MAGI1: variants seen among roughly 807,000 people sequenced by gnomAD.
MAGI1 encodes membrane-associated guanylate kinase, WW and PDZ domain-containing protein 1.
MAGI1 carries 58 observed loss-of-function variants against 139.9 expected under a neutral mutation model. That is an observed-to-expected ratio of 0.41 (90% CI 0.34 to 0.52). The LOEUF (loss-of-function observed/expected upper bound fraction) is 0.52, where lower values mean the gene tolerates loss of function less well. MAGI1 is among the 20% of genes least tolerant of loss of function. MAGI1 has a pLI of 0.12. For missense variants in MAGI1, 1,874 were observed against 1,901.6 expected (o/e 0.99, Z 0.27); for synonymous variants, 812 against 737.9 (o/e 1.10, Z -1.63).
chr3:65,811,955 TGTGTGA>T (rs1355164360), intron 1 of MAGI1, among the ~76,000 whole-genome samples: 2 of 149,078 alleles, frequency 1.3e-5, no homozygotes, highest in African/African-American at 2.5e-5. Context: ...TGTGTGTGTG[TGTGTGA>T]GAGAGAGAGC....
chr3:65,584,490 CT>C (rs1460770031), intron 2 of MAGI1, among the ~76,000 whole-genome samples: 1 of 152,152 alleles, frequency 6.6e-6, no homozygotes, highest in African/African-American at 2.4e-5. Flanking sequence ...CATTGATTTA[CT>C]TAGCAATTAC....
chr3:65,418,231 G>C lies in MAGI1; in HGVS notation c.2167+11289C>G, dbSNP rs530444107. Among the ~76,000 whole-genome samples the C allele has an allele frequency of 3.5e-4, 53 of 152,218 alleles. 1 individual carries two copies. Among genetic ancestry groups the C allele is most frequent in the South Asian group, 2.5e-3 (12 of 4,816 alleles). On this transcript the variant is annotated intron_variant, in intron 12 of 22. Coordinates refer to ENST00000402939, the MANE Select transcript of MAGI1 (RefSeq NM_001033057.2). ...TCCAAATATGTATGGCACAGACTCA[G>C]ACTACATATTACTGACGGTAAAGCT... is the stretch of plus-strand genomic sequence containing the variant.
chr3:65,580,287 A>G (rs1193419672), intron 2 of MAGI1, among the ~76,000 whole-genome samples: 4 of 150,814 alleles, frequency 2.7e-5, no homozygotes, highest in Non-Finnish European at 5.9e-5. Context: ...ATAATTTTGT[A>G]TCCCATTTGG....
intron 1 of MAGI1, among the ~76,000 whole-genome samples, chr3:65,812,296 G>A (rs1362461183): frequency 2.0e-5 from 3 of 152,082 alleles, no homozygotes; most frequent in Non-Finnish European, 4.4e-5. Flanking sequence ...AATGTTAATT[G>A]TTGCTGTTAT....
intron 11 of MAGI1, among the ~76,000 whole-genome samples, 162 bp from the exon 12 acceptor site, chr3:65,430,302 G>C (rs1279613780): frequency 6.6e-6 from 1 of 152,098 alleles, no homozygotes; most frequent in Non-Finnish European, 1.5e-5. Flanking sequence ...AGCTAATAAA[G>C]TGTTCTTTCA....
intron 1 of MAGI1, among the ~76,000 whole-genome samples, chr3:65,841,451 T>A (rs2058803204): frequency 9.3e-6 from 1 of 107,332 alleles, no homozygotes; most frequent in East Asian, 5.2e-4. Flanking sequence ...GTTTTTGTTT[T>A]TGTTTTTTTT....
chr3:65,523,807 G>A (rs1364080564), intron 2 of MAGI1, among the ~76,000 whole-genome samples: 1 of 152,140 alleles, frequency 6.6e-6, no homozygotes, highest in Non-Finnish European at 1.5e-5. Flanking sequence ...AGCCTTAGGG[G>A]TAAAAATATC....
intron 1 of MAGI1, among the ~76,000 whole-genome samples, chr3:65,678,089 G>C (rs890774920): frequency 1.3e-5 from 2 of 152,122 alleles, no homozygotes; most frequent in Non-Finnish European, 2.9e-5. Context: ...ACCAAACACC[G>C]CATGTTCTCG....
At chr3:65,758,185 G>C (rs1036196257) in intron 1 of MAGI1, among the ~76,000 whole-genome samples, 12 of 152,156 alleles carry the variant, frequency 7.9e-5, no homozygotes, top group African/African-American at 2.9e-4. Flanking sequence ...GTGCAGAAAA[G>C]ACCCCCTAGA....
chr3:65,518,678 T>C (rs1290168042), intron 2 of MAGI1, among the ~76,000 whole-genome samples: 3 of 152,060 alleles, frequency 2.0e-5, no homozygotes, highest in Admixed American at 2.0e-4. Context: ...CATGAAAAAT[T>C]AAAACCTGTG....
At chr3:65,836,725 A>T (rs959393787) in intron 1 of MAGI1, among the ~76,000 whole-genome samples, 2 of 152,186 alleles carry the variant, frequency 1.3e-5, no homozygotes, top group African/African-American at 2.4e-5. Flanking sequence ...TGGCTGAGGC[A>T]GAGAACTGCT....
intron 1 of MAGI1, among the ~76,000 whole-genome samples, chr3:65,786,252 T>C (rs925611596): frequency 0.014 from 22 of 1,552 alleles, no homozygotes; most frequent in African/African-American, 0.023. Flanking sequence ...CAATCATAAC[T>C]TTTTTTTTTT....
chr3:65,421,588 T>C (rs1265165383), intron 12 of MAGI1, among the ~76,000 whole-genome samples: 1 of 152,228 alleles, frequency 6.6e-6, no homozygotes, highest in African/African-American at 2.4e-5. Context: ...ATATTTGATA[T>C]ATAAAAATTT....
intron 1 of MAGI1, among the ~76,000 whole-genome samples, chr3:65,855,755 G>A (rs773299879): frequency 5.3e-5 from 8 of 151,304 alleles, no homozygotes; most frequent in South Asian, 2.1e-4. Flanking sequence ...AACCAACACC[G>A]GATAGCCCAT....
chr3:65,387,353 G>T (rs2106948295), intron 14 of MAGI1: 1 of 590,330 alleles, frequency 1.7e-6, no homozygotes, highest in Non-Finnish European at 2.9e-6. Context: ...TGGCTGTTAT[G>T]TTAAAAGACT....
intron 1 of MAGI1, among the ~76,000 whole-genome samples, chr3:65,942,747 G>C (rs1403183594): frequency 6.6e-6 from 1 of 152,152 alleles, no homozygotes; most frequent in Non-Finnish European, 1.5e-5. Context: ...ACCAGGTGCG[G>C]TGGCTCACCC....
At chr3:65,775,701 G>T (rs1380824086) in intron 1 of MAGI1, among the ~76,000 whole-genome samples, 1 of 151,858 alleles carries the variant, frequency 6.6e-6, no homozygotes, top group Non-Finnish European at 1.5e-5. Context: ...AGCATTTTCA[G>T]AGGCGGAGGT....
chr3:65,984,617 C>A (rs1396635173), intron 1 of MAGI1, among the ~76,000 whole-genome samples: 1 of 150,778 alleles, frequency 6.6e-6, no homozygotes, highest in Non-Finnish European at 1.5e-5. Flanking sequence ...GCAGCTTCAG[C>A]CTCCCCAGCT....
intron 1 of MAGI1, among the ~76,000 whole-genome samples, chr3:65,937,975 G>A (rs1030093099): frequency 6.6e-6 from 1 of 151,920 alleles, no homozygotes; most frequent in South Asian, 2.1e-4. Context: ...AAGAGAATAC[G>A]GATCAAGCAA....
Sources: gnomAD v4.1 joint callset for allele counts (sites outside exome capture counted in the v4.1 genomes callset) on GRCh38, gnomAD v4.1.1 for gene constraint, MANE v1.5 for transcripts, NCBI Gene and HGNC (gene_info 2026-07-23, HGNC 2026-07-21) for gene names.